Variants in MACROD2 observed in about 807,000 individuals in gnomAD.
MACROD2 encodes ADP-ribose glycohydrolase MACROD2.
MACROD2 carries 36 observed loss-of-function variants against 70.4 expected under a neutral mutation model. The observed-to-expected ratio is 0.51, with a 90% CI of 0.39 to 0.68. The LOEUF (loss-of-function observed/expected upper bound fraction) is 0.68. Among genes scored for constraint, MACROD2 ranks in the 30% least tolerant of loss-of-function variants. MACROD2 has a pLI of 0.00. For synonymous variants in MACROD2, 172 were observed against 178.8 expected (o/e 0.96, Z 0.30); for missense variants, 496 against 538.4 (o/e 0.92, Z 0.78).
chr20:14,326,075 A>G lies in MACROD2; in HGVS notation c.272-167404A>G. The G allele has an allele frequency of 6.2e-7, 1 of 1,613,956 alleles. No homozygotes were observed. Among genetic ancestry groups the G allele is most frequent in the Non-Finnish European group, 8.5e-7 (1 of 1,179,900 alleles). ...TTGCTGGTTTCCATGGGAACCATGC[A>G]TACTTTATAGGGTGAATCAGGCTCC... On this transcript the variant is annotated intron_variant, in intron 3 of 17. Transcript: ENST00000684519. The surrounding 1 kb of genome is among the most constrained non-coding windows in gnomAD (Gnocchi z 5.5).
chr20:15,062,151 TGA>T (rs375862958), intron 5 of MACROD2, among the ~76,000 whole-genome samples: 2 of 151,944 alleles, frequency 1.3e-5, no homozygotes, highest in Non-Finnish European at 2.9e-5. Flanking sequence ...GCCTTGTGCG[TGA>T]GAGAGAGAGG....
intron 5 of MACROD2, among the ~76,000 whole-genome samples, chr20:15,176,951 G>T (rs1156720559): frequency 6.6e-6 from 1 of 152,180 alleles, no homozygotes. Context: ...GGTACACACA[G>T]CAGAAGCTGT....
At chr20:15,307,270 AG>A (rs1217826222) in intron 6 of MACROD2, among the ~76,000 whole-genome samples, 5 of 152,220 alleles carry the variant, frequency 3.3e-5, no homozygotes, top group African/African-American at 1.2e-4. Context: ...CTGAAGCTAT[AG>A]ATTTGCTGTG....
At chr20:14,807,165 G>A (rs142990267) in intron 5 of MACROD2, among the ~76,000 whole-genome samples, 2,039 of 152,226 alleles carry the variant, frequency 0.013, 45 homozygotes, top group African/African-American at 0.047. Flanking sequence ...TCCCAGCAGG[G>A]GTTGACAGAC....
intron 6 of MACROD2, among the ~76,000 whole-genome samples, chr20:15,374,577 G>A (rs1262659075): frequency 6.6e-6 from 1 of 151,870 alleles, no homozygotes; most frequent in Non-Finnish European, 1.5e-5. Flanking sequence ...GTATTTTTTT[G>A]TTATACAGTT....
intron 3 of MACROD2, among the ~76,000 whole-genome samples, chr20:14,446,271 T>A (rs2084180962): frequency 6.6e-6 from 1 of 152,066 alleles, no homozygotes; most frequent in Admixed American, 6.5e-5. Context: ...ATTCACTGCT[T>A]ATATTATTTA....
At chr20:14,189,636 G>T (rs939757893) in intron 3 of MACROD2, among the ~76,000 whole-genome samples, 1 of 152,168 alleles carries the variant, frequency 6.6e-6, no homozygotes, top group Non-Finnish European at 1.5e-5. Flanking sequence ...GCTGAGGTCA[G>T]ACCCATGATG....
chr20:15,055,961 A>AT (rs1165920553), intron 5 of MACROD2, among the ~76,000 whole-genome samples: 2 of 151,776 alleles, frequency 1.3e-5, no homozygotes, highest in African/African-American at 4.8e-5. Context: ...TAATTTTTGT[A>AT]TTTTTAGTAG....
At chr20:14,297,310 A>G (rs1433293128) in intron 3 of MACROD2, among the ~76,000 whole-genome samples, 1 of 151,974 alleles carries the variant, frequency 6.6e-6, no homozygotes, top group African/African-American at 2.4e-5. Flanking sequence ...AAAGCTAGAC[A>G]TGATTAACCT....
chr20:14,728,671 G>T (rs2071558152), intron 5 of MACROD2, among the ~76,000 whole-genome samples: 5 of 152,110 alleles, frequency 3.3e-5, no homozygotes, highest in Admixed American at 2.6e-4. Flanking sequence ...GTTTTGTAAA[G>T]TTTATTTATT....
intron 5 of MACROD2, among the ~76,000 whole-genome samples, chr20:15,116,961 C>A (rs1264638303): frequency 6.6e-6 from 1 of 152,142 alleles, no homozygotes; most frequent in Non-Finnish European, 1.5e-5. Flanking sequence ...ACTTTTATTG[C>A]ACTGTTCATG....
intron 5 of MACROD2, among the ~76,000 whole-genome samples, chr20:14,950,727 T>C (rs1197119819): frequency 1.3e-5 from 2 of 152,134 alleles, no homozygotes; most frequent in African/African-American, 4.8e-5. Context: ...CATGAAACTT[T>C]GGGAGAGTAG....
At chr20:14,786,236 G>GAGAGAGAGAA (rs1600662596) in intron 5 of MACROD2, among the ~76,000 whole-genome samples, 1 of 151,374 alleles carries the variant, frequency 6.6e-6, no homozygotes, top group East Asian at 2.0e-4. Context: ...GAGAGAGAGA[G>GAGAGAGAGAA]AATATGAGGG....
intron 8 of MACROD2, among the ~76,000 whole-genome samples, chr20:15,539,472 TCTATTCCAGCAATTG>T (rs2047924936): frequency 6.6e-6 from 1 of 152,222 alleles, no homozygotes; most frequent in South Asian, 2.1e-4. Flanking sequence ...TTTTCCTGTG[TCTATTCCAGCAATTG>T]CTTCTTTGTT....
chr20:15,377,060 T>G (rs1169474065), intron 6 of MACROD2, among the ~76,000 whole-genome samples: 2 of 151,972 alleles, frequency 1.3e-5, no homozygotes, highest in African/African-American at 4.8e-5. Context: ...CTGGCTAATT[T>G]TTTGTATTTT....
chr20:14,011,820 C>T (rs1287755041), intron 2 of MACROD2, among the ~76,000 whole-genome samples: 3 of 151,982 alleles, frequency 2.0e-5, no homozygotes, highest in East Asian at 1.9e-4. Context: ...TGAGCCACCG[C>T]GCCTGGCCTC....
chr20:14,016,042 A>G (rs978943963), intron 2 of MACROD2, among the ~76,000 whole-genome samples: 2 of 152,236 alleles, frequency 1.3e-5, no homozygotes, highest in Non-Finnish European at 2.9e-5. Flanking sequence ...TTGAGGAGAC[A>G]CAAAACTTTT....
chr20:15,442,970 A>G (rs1336395881), intron 7 of MACROD2, among the ~76,000 whole-genome samples: 1 of 152,176 alleles, frequency 6.6e-6, no homozygotes, highest in African/African-American at 2.4e-5. Context: ...CACTATATTT[A>G]GATATTTAGA....
chr20:15,839,652 T>A (rs897700778), intron 8 of MACROD2, among the ~76,000 whole-genome samples: 1 of 152,130 alleles, frequency 6.6e-6, no homozygotes, highest in Admixed American at 6.6e-5. Flanking sequence ...CAGTCTAGAT[T>A]TGGTGAACCT....
Sources: allele counts gnomAD v4.1 joint callset (sites outside exome capture counted in the v4.1 genomes callset), GRCh38; gene constraint gnomAD v4.1.1; non-coding constraint Gnocchi (gnomAD v3.1); transcripts MANE v1.5; gene names NCBI Gene and HGNC (gene_info 2026-07-23, HGNC 2026-07-21).